The following ALS2 variants were observed in gnomAD, a reference collection of about 807,000 sequenced individuals.
ALS2 encodes alsin Rho guanine nucleotide exchange factor ALS2.
A neutral mutation model predicts 203.4 loss-of-function variants in ALS2; 117 were observed. That is an observed-to-expected ratio of 0.58 (90% CI 0.50 to 0.67). ALS2 has a LOEUF of 0.67. ALS2 is among the 30% of genes least tolerant of loss of function. The pLI is 0.00. For missense variants in ALS2, 1,715 were observed against 1,989.4 expected (o/e 0.86, Z 2.62); for synonymous variants, 718 against 725.9 (o/e 0.99, Z 0.17).
chr2:201,754,727 A>G (rs1693279584), intron 5 of ALS2, 56 bp from the exon 6 acceptor site: 4 of 1,582,362 alleles, frequency 2.5e-6, no homozygotes, highest in South Asian at 2.2e-5. Flanking sequence ...GTAAGAAAAC[A>G]TATCATTTGG....
At chr2:201,760,080 TG>T (rs1214717895) in intron 4 of ALS2, 2 of 903,572 alleles carry the variant, frequency 2.2e-6, no homozygotes, top group African/African-American at 3.6e-5. Context: ...CTCAACACTT[TG>T]GGAGGCTGAG....
chr2:201,722,113 A>G (rs1012226827), intron 23 of ALS2: 1 of 152,262 alleles, frequency 6.6e-6, no homozygotes, highest in Non-Finnish European at 1.5e-5. Flanking sequence ...CTGATAAAGG[A>G]CATGTATCCA....
In ALS2 at chr2:201,774,746, AT is replaced by A. The variant is rs1166957207; in HGVS notation, c.-60-5802del. On this transcript the variant is annotated intron_variant, in intron 1 of 33. Transcript: ENST00000264276. ...AATTTCAACCACTAAAACCACATGTATTTTTTTTCATCTACTATGTTCCAGG... is the reference window on the plus strand; with the variant it reads ...AATTTCAACCACTAAAACCACATGTATTTTTTTCATCTACTATGTTCCAGG... 3.9e-5 allele frequency among the ~76,000 whole-genome samples: 6 copies of A among 151,984 alleles called. No individual in the cohort carries two copies. The South Asian group carries it at 1.0e-3, about 26-fold the overall frequency.
In ALS2 at chr2:201,753,299, C is replaced by T. The variant is rs541782445; in HGVS notation, c.1641-57G>A. 1.1e-5 allele frequency: 15 copies of T among 1,418,324 alleles called. No homozygotes were observed. In the East Asian group the frequency reaches 2.3e-4, roughly 22 times the overall value. 87.9% of individuals were successfully genotyped at this position (1,418,324 alleles called of 1,614,324 possible). On this transcript the variant is annotated intron_variant, in intron 6 of 33. Coordinates refer to ENST00000264276, the MANE Select transcript of ALS2 (RefSeq NM_020919.4). ...AAAGTATTCTCAGCAAGAATCGTAG[C>T]CTTTCTCAAATTATAAAGTGCTGTC...
chr2:201,749,981 TAG>T (rs1692930998), intron 7 of ALS2, among the ~76,000 whole-genome samples, 192 bp from the exon 8 acceptor site: 1 of 151,950 alleles, frequency 6.6e-6, no homozygotes, highest in Non-Finnish European at 1.5e-5. Flanking sequence ...AATGCGCAAA[TAG>T]AGTCTTGGTA....
rs1405023542 is a variant in ALS2 at position 201,724,327 on chromosome 2, TTTC to T, written c.3477_3479del (p.Lys1160del). On this transcript the variant is annotated inframe_deletion, in exon 21 of 34. Coordinates refer to ENST00000264276, the MANE Select transcript of ALS2 (RefSeq NM_020919.4). The stretch of plus-strand genomic sequence containing the variant: ...TATCATCAAAGACACCATATCCTGC[TTTC>T]TTATCCATTACCCACTGGCCAATGA... The T allele has an allele frequency of 6.2e-7, 1 of 1,614,070 alleles. No individual in the cohort carries two copies. Among genetic ancestry groups the T allele is most frequent in the Non-Finnish European group, 8.5e-7 (1 of 1,179,960 alleles).
At position 201,738,424 on chromosome 2, in the gene ALS2, A is replaced by C. The variant is rs3731704; in HGVS notation, c.2417+246T>G. ...GTAAAGAGAGTTGTCCAAAGTCTCAAGGATAGCACAGAAGGACCCCGAACC... is the reference window on the plus strand; with the variant it reads ...GTAAAGAGAGTTGTCCAAAGTCTCACGGATAGCACAGAAGGACCCCGAACC... On this transcript the variant is annotated intron_variant, in intron 12 of 33. Transcript: ENST00000264276. 9 of 512,658 alleles carry C rather than the reference A, an allele frequency of 1.8e-5. No individual in the cohort carries two copies. The Admixed American group carries it at 2.9e-4, about 17-fold the overall frequency. 31.8% of individuals were successfully genotyped at this position (512,658 alleles called of 1,614,324 possible).
rs1319168361 is a variant in ALS2, at chr2:201,733,361, A to G, written c.2495T>C (p.Ile832Thr). ...VNDENTQLME[I>T]LNTLFFLPIR... Reference sequence around the variant, plus strand: ...TGGCAAGAAAAACAAAGTATTCAGTATTTCCATCAACTGAGTGTTTTCGTC... The same window carrying G: ...TGGCAAGAAAAACAAAGTATTCAGTGTTTCCATCAACTGAGTGTTTTCGTC... Residue 832 changes from isoleucine (I) to threonine (T), a missense_variant, in exon 13 of 34, where the codon ATA becomes ACA. Ile to Thr is a moderately conservative substitution (Grantham distance 89). This residue lies in a region of ALS2 where 1,227 missense variants were observed against 1,413.5 expected (regional missense o/e 0.87). Coordinates refer to ENST00000264276, the MANE Select transcript of ALS2 (RefSeq NM_020919.4). 2 of 1,612,622 alleles carry G rather than the reference A, an allele frequency of 1.2e-6. No homozygotes were observed. The highest frequency in any genetic ancestry group is 1.7e-4 in the Middle Eastern group (1 of 6,058).
At chr2:201,737,814 T>C (rs895890298) in intron 12 of ALS2, among the ~76,000 whole-genome samples, 6 of 151,832 alleles carry the variant, frequency 4.0e-5, no homozygotes, top group African/African-American at 1.2e-4. Flanking sequence ...CCCAGCTACT[T>C]GGGAGGCTGA....
Position 201,729,304 on chromosome 2 carries a change from A to G in ALS2, c.2581-121T>C, listed in dbSNP as rs41308834. The G allele has an allele frequency of 1.1e-4, 125 of 1,114,966 alleles. No homozygotes were observed. In the East Asian group the frequency reaches 2.8e-3, roughly 25 times the overall value. The allele number at this position is 1,114,966 out of a possible 1,614,324, so 69.1% of individuals were successfully genotyped here. A position where few individuals can be genotyped will look rare whatever the true frequency, so the allele number is the denominator to read the frequency against. ...AATGTAGGAGAAAATTCAGCCCACG[A>G]GCATAAGTAGCACACTGCAGGAGAC... On this transcript the variant is annotated intron_variant, in intron 13 of 33. Coordinates refer to ENST00000264276, the MANE Select transcript of ALS2 (RefSeq NM_020919.4).
rs781648792 is a variant in ALS2, at chr2:201,707,911, CAAA to C, written c.4358_4360del (p.Phe1453del). On this transcript the variant is annotated inframe_deletion, in exon 28 of 34. Coordinates refer to ENST00000264276, the MANE Select transcript of ALS2 (RefSeq NM_020919.4). ...AGATCGGGAATCTGACTTCCCAGTGCAAAAAGACTTCCTTTCGGTTGGCAGAGG... is the reference window on the plus strand; with the variant it reads ...AGATCGGGAATCTGACTTCCCAGTGCAAGACTTCCTTTCGGTTGGCAGAGG... 3.1e-6 allele frequency: 5 copies of C among 1,613,592 alleles called. No individual in the cohort carries two copies. The South Asian group carries it at 5.5e-5, about 18-fold the overall frequency.
chr2:201,759,322 TGAGA>T (rs1477076743), intron 4 of ALS2: 1 of 859,132 alleles, frequency 1.2e-6, no homozygotes, highest in Non-Finnish European at 1.4e-6. Flanking sequence ...ATTTCCCAAG[TGAGA>T]GAGTCTCAGT....
At chr2:201,746,795 A>C (rs1206721745) in intron 8 of ALS2, 47 bp from the exon 9 acceptor site, 1 of 1,608,558 alleles carries the variant, frequency 6.2e-7, no homozygotes, top group Non-Finnish European at 8.5e-7. Context: ...AGGCAATCAG[A>C]GAGAACTTCG....
In ALS2 at chr2:201,733,408, C is replaced by T; in HGVS notation, c.2448G>A (p.Leu816=). Residue 816 remains leucine, a synonymous_variant, in exon 13 of 34, where the codon TTG becomes TTA. Coordinates refer to ENST00000264276, the MANE Select transcript of ALS2 (RefSeq NM_020919.4). ...CGTCATTCACTTCTGACAAATCTTG[C>T]AACAGCTCTTGGTTTTTATTTAGGA... ...IDFLNKNQEL[L]QDLSEVNDEN... is the part of the protein sequence containing the mutation. The T allele has an allele frequency of 3.7e-6, 6 of 1,613,570 alleles. No homozygotes were observed. The highest frequency in any genetic ancestry group is 5.1e-6 in the Non-Finnish European group (6 of 1,179,812).
At chr2:201,718,768 A>G (rs555829665) in intron 23 of ALS2, among the ~76,000 whole-genome samples, 5 of 152,354 alleles carry the variant, frequency 3.3e-5, no homozygotes, top group East Asian at 3.9e-4. Flanking sequence ...TAAAATGACC[A>G]TACAATATAT....
At chr2:201,778,331 CCA>C (rs1400627193) in intron 1 of ALS2, 1 of 152,138 alleles carries the variant, frequency 6.6e-6, no homozygotes, top group Non-Finnish European at 1.5e-5. Context: ...CCAACAAACC[CCA>C]GTCTTTTTCT....
At position 201,746,426 on chromosome 2, in the gene ALS2, G is replaced by A. The variant is rs1692653831; in HGVS notation, c.1998+140C>T. The stretch of plus-strand genomic sequence containing the variant: ...GAGAGAGAAGATAAGGAGTGAAGGG[G>A]GCTTGAAAGGAGTTTGCAATTTTAA... On this transcript the variant is annotated intron_variant, in intron 9 of 33. Coordinates refer to ENST00000264276, the MANE Select transcript of ALS2 (RefSeq NM_020919.4). The A allele has an allele frequency of 8.8e-6, 8 of 908,046 alleles. No homozygotes were observed. The Admixed American group carries it at 1.4e-4, about 16-fold the overall frequency. The allele number at this position is 908,046 out of a possible 1,614,324, so 56.2% of individuals were successfully genotyped here. A position where few individuals can be genotyped will look rare whatever the true frequency, so the allele number is the denominator to read the frequency against.
rs748453218 is a variant in ALS2 at position 201,706,963 on chromosome 2, G to A, written c.4463C>T (p.Pro1488Leu). 13 of 1,613,974 alleles carry A rather than the reference G, an allele frequency of 8.1e-6. No homozygotes were observed. The Middle Eastern group carries it at 6.6e-4, about 82-fold the overall frequency. The change falls in exon 29 of 34, where the codon CCG (proline) becomes CTG (leucine). Residue 1488 changes from proline to leucine, a missense_variant. Physicochemically the swap from Pro to Leu is moderately conservative, Grantham distance 98. Transcript: ENST00000264276. ...LPVLLPRLYP[P>L]LFMLYALDND... ...ATCCAAAGCATAAAGCATAAACAGC[G>A]GTGGGTAGAGCCGAGGTAGCAGCAC...
intron 23 of ALS2, among the ~76,000 whole-genome samples, chr2:201,719,620 T>A (rs575195348): frequency 8.2e-5 from 12 of 145,760 alleles, no homozygotes; most frequent in Admixed American, 1.4e-4. Context: ...AAAATAAAAA[T>A]AAAAGTGCCA....
Sources: gnomAD v4.1 joint callset for allele counts (sites outside exome capture counted in the v4.1 genomes callset) on GRCh38, gnomAD v4.1.1 for gene constraint, gnomAD v4.1.1 regional missense constraint, MANE v1.5 for transcripts, NCBI Gene and HGNC (gene_info 2026-07-23, HGNC 2026-07-21) for gene names.